The following HOMER1 variants were observed in gnomAD, a reference collection of about 807,000 sequenced individuals.
HOMER1 encodes homer scaffold protein 1, also known as homer protein homolog 1.
In HOMER1, 3 loss-of-function variants were observed where a neutral mutation model predicts 48.9. The ratio of observed to expected loss-of-function variants is 0.06; its 90% confidence interval spans 0.03 to 0.16. The LOEUF (loss-of-function observed/expected upper bound fraction) is 0.16, where lower values mean the gene tolerates loss of function less well. Ranked by LOEUF, HOMER1 falls within the 10% of genes least tolerant of loss-of-function variation. The pLI, the probability that HOMER1 is intolerant of heterozygous loss-of-function variation, is 1.00. For synonymous variants in HOMER1, 134 were observed against 146.4 expected (o/e 0.92, Z 0.61); for missense variants, 247 against 411.4 (o/e 0.60, Z 3.46).
chr5:79,407,385 CTGATCT>C (rs1427203066), intron 5 of HOMER1, among the ~76,000 whole-genome samples: 11 of 151,882 alleles, frequency 7.2e-5, no homozygotes, highest in African/African-American at 2.2e-4. Context: ...AGAGATTAAT[CTGATCT>C]TGATCTTGAA....
Position 79,456,937 on chromosome 5 carries a change from C to T in HOMER1, c.87G>A (p.Lys29=). The T allele has an allele frequency of 6.2e-7, 1 of 1,613,790 alleles. No homozygotes were observed. Among genetic ancestry groups the T allele is most frequent in the Non-Finnish European group, 8.5e-7 (1 of 1,179,746 alleles). ...AGAAATAAGACACAGTAACTGCATG[C>T]TTGCTGGTGGGTACCCAGTTCTTCT... The part of the protein sequence containing the change: ...NTKKNWVPTS[K]HAVTVSYFYD... The change falls in exon 2 of 9, where the codon AAG becomes AAA. Residue 29 remains lysine, a synonymous_variant. Coordinates refer to ENST00000334082, the MANE Select transcript of HOMER1 (RefSeq NM_004272.5).
chr5:79,392,762 T>A (rs1285074172), intron 8 of HOMER1, among the ~76,000 whole-genome samples: 1 of 152,224 alleles, frequency 6.6e-6, no homozygotes, highest in East Asian at 1.9e-4. Flanking sequence ...CTTCCAGTCC[T>A]ACAGTTCCAT....
intron 8 of HOMER1, among the ~76,000 whole-genome samples, chr5:79,380,677 T>C (rs1336014972): frequency 6.6e-6 from 1 of 152,164 alleles, no homozygotes; most frequent in Non-Finnish European, 1.5e-5. Context: ...CTAGCCTAAT[T>C]GGCCTGGCTT....
At chr5:79,378,221 T>TTAAA (rs756900477) in intron 8 of HOMER1, among the ~76,000 whole-genome samples, 2 of 97,484 alleles carry the variant, frequency 2.1e-5, no homozygotes, top group African/African-American at 4.7e-5. Context: ...AGACTCTGTC[T>TTAAA]CAAAAAAAAA....
chr5:79,459,805 C>T (rs1178160926), intron 1 of HOMER1, among the ~76,000 whole-genome samples: 1 of 152,034 alleles, frequency 6.6e-6, no homozygotes, highest in Non-Finnish European at 1.5e-5. Context: ...AAAACAGATG[C>T]CTAAATAGAG....
chr5:79,379,410 TTA>T (rs1299256352), intron 8 of HOMER1, among the ~76,000 whole-genome samples: 1 of 116,128 alleles, frequency 8.6e-6, no homozygotes, highest in Non-Finnish European at 1.7e-5. Flanking sequence ...ATTTATATAT[TTA>T]TATATTTTAT....
chr5:79,499,895 A>T (rs1353188715), intron 1 of HOMER1, among the ~76,000 whole-genome samples: 1 of 152,226 alleles, frequency 6.6e-6, no homozygotes, highest in African/African-American at 2.4e-5. Context: ...CGGTTCTTGC[A>T]TATTTTTCAT....
In HOMER1 at chr5:79,429,903, G is replaced by A. The variant is rs946036650; in HGVS notation, c.527+9107C>T. ...CTAGGCATGGCGGCGGGCGCCTGTA[G>A]TCCCAGCTACTCGGGAGGCTGAGGC... On this transcript the variant is annotated intron_variant, in intron 5 of 8. Coordinates refer to ENST00000334082, the MANE Select transcript of HOMER1 (RefSeq NM_004272.5). 4.0e-5 allele frequency among the ~76,000 whole-genome samples: 6 copies of A among 151,580 alleles called. 1 individual carries two copies. The South Asian group carries it at 1.2e-3, about 32-fold the overall frequency.
chr5:79,505,806 A>G (rs1193794530), intron 1 of HOMER1, among the ~76,000 whole-genome samples: 1 of 152,216 alleles, frequency 6.6e-6, no homozygotes, highest in Non-Finnish European at 1.5e-5. Context: ...GACAGAAAAC[A>G]ATGACTTTTT....
At chr5:79,407,764 C>T (rs6866124) in intron 5 of HOMER1, among the ~76,000 whole-genome samples, 4,583 of 152,166 alleles carry the variant, frequency 0.03, 211 homozygotes, top group African/African-American at 0.1. Flanking sequence ...TATCTGAAGA[C>T]ATAAAGGCTG....
intron 1 of HOMER1, among the ~76,000 whole-genome samples, chr5:79,485,419 A>G (rs1752070723): frequency 6.6e-6 from 1 of 152,220 alleles, no homozygotes; most frequent in African/African-American, 2.4e-5. Context: ...ACCCTAAGCT[A>G]AAGAGTAAGG....
chr5:79,500,387 T>C (rs1752543936), intron 1 of HOMER1, among the ~76,000 whole-genome samples: 1 of 152,124 alleles, frequency 6.6e-6, no homozygotes, highest in African/African-American at 2.4e-5. Flanking sequence ...GCTTAAAAAA[T>C]GTCCAGATAA....
intron 8 of HOMER1, among the ~76,000 whole-genome samples, chr5:79,386,949 TCCTTTCTTCCTTC>T (rs1278441891): frequency 7.7e-6 from 1 of 129,884 alleles, no homozygotes; most frequent in Non-Finnish European, 1.7e-5. Flanking sequence ...TTCCTTCCTT[TCCTTTCTTCCTTC>T]CCTTCCCTTC....
In HOMER1 at chr5:79,499,553, G is replaced by GA. The variant is rs200690079; in HGVS notation, c.5+13216dup. On this transcript the variant is annotated intron_variant, in intron 1 of 8. Transcript: ENST00000334082. The stretch of plus-strand genomic sequence containing the variant: ...GTTAACTGCATACCTTAGAAGTATT[G>GA]AAAAAAATAGAAAAAGGCATTATGA... 8.3e-3 allele frequency among the ~76,000 whole-genome samples: 1,262 copies of GA among 151,456 alleles called. 9 individuals are homozygous for GA. The highest frequency in any genetic ancestry group is 0.029 in the African/African-American group (1,182 of 41,256).
At chr5:79,489,156 T>A (rs375174728) in intron 1 of HOMER1, among the ~76,000 whole-genome samples, 7 of 152,136 alleles carry the variant, frequency 4.6e-5, no homozygotes, top group African/African-American at 1.4e-4. Context: ...GAGTGGAAAG[T>A]AATAAATGCC....
At position 79,478,504 on chromosome 5, in the gene HOMER1, C is replaced by A. The variant is rs867157812; in HGVS notation, c.6-21486G>T. On this transcript the variant is annotated intron_variant, in intron 1 of 8. Coordinates refer to ENST00000334082, the MANE Select transcript of HOMER1 (RefSeq NM_004272.5). ...AGGAGTTCGAGACCAGCCTGGGCAA[C>A]ATGGTGAAACTTCGTCTCTACTAAA... Among the ~76,000 whole-genome samples, 56 of 150,660 alleles carry A rather than the reference C, an allele frequency of 3.7e-4. No homozygotes were observed. The Middle Eastern group carries it at 0.01, about 28-fold the overall frequency.
intron 2 of HOMER1, among the ~76,000 whole-genome samples, chr5:79,451,915 AATACATT>A (rs1226230978): frequency 6.6e-6 from 1 of 152,064 alleles, no homozygotes; most frequent in Admixed American, 6.6e-5. Context: ...ATTTACCTGA[AATACATT>A]ATGATACAGA....
At chr5:79,396,394 C>G (rs929010464) in intron 8 of HOMER1, among the ~76,000 whole-genome samples, 1 of 151,424 alleles carries the variant, frequency 6.6e-6, no homozygotes, top group African/African-American at 2.4e-5. Flanking sequence ...CTCTCTCTTT[C>G]TTTTTATTAA....
chr5:79,403,656 T>C (rs539560581), intron 5 of HOMER1, among the ~76,000 whole-genome samples: 3 of 152,210 alleles, frequency 2.0e-5, no homozygotes, highest in Admixed American at 6.5e-5. Flanking sequence ...AAAGGGAACA[T>C]TGGTGAAAAC....
Sources: allele counts gnomAD v4.1 joint callset (sites outside exome capture counted in the v4.1 genomes callset), GRCh38; gene constraint gnomAD v4.1.1; transcripts MANE v1.5; gene names NCBI Gene and HGNC (gene_info 2026-07-23, HGNC 2026-07-21).